The following RIC8B variants were observed in gnomAD, a reference collection of about 807,000 sequenced individuals.
The protein encoded by RIC8B is chaperone Ric-8B.
RIC8B carries 16 observed loss-of-function variants against 57.5 expected under a neutral mutation model. The observed-to-expected ratio is 0.28, with a 90% CI of 0.19 to 0.42. RIC8B has a LOEUF of 0.42. Ranked by LOEUF, RIC8B falls within the 10% of genes least tolerant of loss-of-function variation. RIC8B has a pLI of 1.00. For synonymous variants in RIC8B, 216 were observed against 250.8 expected (o/e 0.86, Z 1.31); for missense variants, 481 against 677.0 (o/e 0.71, Z 3.21).
intron 9 of RIC8B, among the ~76,000 whole-genome samples, chr12:106,885,567 C>G (rs996486062): frequency 1.5e-5 from 2 of 133,456 alleles, no homozygotes; most frequent in Non-Finnish European, 3.2e-5. Context: ...TAAAACAAAA[C>G]CAATCCACCA....
chr12:106,823,448 G>A (rs552086952), intron 3 of RIC8B: 10 of 456,188 alleles, frequency 2.2e-5, no homozygotes, highest in African/African-American at 1.8e-4. Flanking sequence ...ACTGGAAAAG[G>A]TAAAAAGTAG....
At chr12:106,871,477 A>C (rs1950402648) in intron 9 of RIC8B, 2 of 136,156 alleles carry the variant, frequency 1.5e-5, no homozygotes, top group South Asian at 4.9e-4. Context: ...GTTCTAAAAA[A>C]AAAAAAAAAA....
At chr12:106,870,613 T>TA (rs35171089) in intron 8 of RIC8B, among the ~76,000 whole-genome samples, 3 of 152,206 alleles carry the variant, frequency 2.0e-5, no homozygotes, top group Admixed American at 2.0e-4. Flanking sequence ...TTTCGTTTTT[T>TA]AAAAAAAGTA....
At chr12:106,855,505 G>A (rs775263120) in intron 7 of RIC8B, among the ~76,000 whole-genome samples, 70 of 152,084 alleles carry the variant, frequency 4.6e-4, no homozygotes, top group Admixed American at 1.8e-3. Context: ...CACTGAAAAT[G>A]CTCTCAATAA....
intron 2 of RIC8B, among the ~76,000 whole-genome samples, chr12:106,806,766 A>G (rs1200533547): frequency 1.3e-5 from 2 of 152,054 alleles, no homozygotes; most frequent in Non-Finnish European, 2.9e-5. Flanking sequence ...GGAGGCGGAG[A>G]TTGCACGCGC....
intron 6 of RIC8B, among the ~76,000 whole-genome samples, chr12:106,846,860 C>T (rs1007066504): frequency 1.3e-5 from 2 of 151,968 alleles, no homozygotes; most frequent in African/African-American, 4.8e-5. Flanking sequence ...GGAGATGAAA[C>T]ATGACAGGTA....
intron 2 of RIC8B, among the ~76,000 whole-genome samples, chr12:106,796,421 C>G (rs906499590): frequency 1.3e-5 from 2 of 151,908 alleles, no homozygotes; most frequent in Non-Finnish European, 2.9e-5. Flanking sequence ...CAGTAATAAC[C>G]AAGGCAGCTG....
At chr12:106,802,102 G>T (rs992160425) in intron 2 of RIC8B, among the ~76,000 whole-genome samples, 1 of 152,174 alleles carries the variant, frequency 6.6e-6, no homozygotes, top group Non-Finnish European at 1.5e-5. Context: ...ATCCAAGGGA[G>T]CCTGCCTTAA....
At chr12:106,798,438 C>A (rs2044584732) in intron 2 of RIC8B, among the ~76,000 whole-genome samples, 1 of 152,126 alleles carries the variant, frequency 6.6e-6, no homozygotes, top group African/African-American at 2.4e-5. Flanking sequence ...CCTCTGTCTT[C>A]TTTTCTGACT....
At chr12:106,881,073 A>G (rs1335152082) in intron 9 of RIC8B, among the ~76,000 whole-genome samples, 1 of 152,230 alleles carries the variant, frequency 6.6e-6, no homozygotes, top group African/African-American at 2.4e-5. Flanking sequence ...AGGATCTGCT[A>G]TCTGCAAGGC....
chr12:106,865,177 C>T (rs577081721), intron 8 of RIC8B, among the ~76,000 whole-genome samples: 67 of 152,210 alleles, frequency 4.4e-4, no homozygotes, highest in African/African-American at 1.4e-3. Flanking sequence ...TTGTTGCCAG[C>T]CTGCCATATT....
chr12:106,801,450 CAT>C (rs1328145262), intron 2 of RIC8B, among the ~76,000 whole-genome samples: 2 of 152,054 alleles, frequency 1.3e-5, no homozygotes, highest in African/African-American at 4.8e-5. Flanking sequence ...TGATATATAA[CAT>C]AACATTGATT....
chr12:106,815,381 A>G, intron 3 of RIC8B, 77 bp downstream of exon 3: 1 of 1,458,216 alleles, frequency 6.9e-7, no homozygotes, highest in African/African-American at 1.4e-5. Flanking sequence ...CTGCAAGAGA[A>G]GAATACAAGT....
chr12:106,851,850 C>G (rs925465307), intron 7 of RIC8B, among the ~76,000 whole-genome samples: 2 of 152,124 alleles, frequency 1.3e-5, no homozygotes, highest in African/African-American at 4.8e-5. Context: ...TATCCTTAAC[C>G]CAGCCTTCAT....
chr12:106,884,915 A>G (rs1260588902), intron 9 of RIC8B, among the ~76,000 whole-genome samples: 1 of 152,136 alleles, frequency 6.6e-6, no homozygotes, highest in Non-Finnish European at 1.5e-5. Flanking sequence ...AGCTGCTGCC[A>G]TGTGGGTTTT....
rs1694810879 is a variant in RIC8B, at chr12:106,842,688, A to G, written c.936A>G (p.Leu312=). The G allele has an allele frequency of 1.2e-6, 2 of 1,613,848 alleles. No individual in the cohort carries two copies. The change falls in exon 5 of 10, where the codon CTA becomes CTG. Residue 312 remains leucine, a synonymous_variant. Transcript: ENST00000392837. ...AAACAGCCCAAGAGGCAACGACTCT[A>G]GATGAACTGCCCAGTAATAAAACAG... ...HEETAQEATT[L]DELPSNKTAE...
At chr12:106,798,613 CTTTTTTT>C (rs915772922) in intron 2 of RIC8B, among the ~76,000 whole-genome samples, 1 of 145,372 alleles carries the variant, frequency 6.9e-6, no homozygotes, top group African/African-American at 2.5e-5. Flanking sequence ...AGCCACTGTA[CTTTTTTT>C]TTTTTAGATA....
At chr12:106,828,959 T>C (rs187641672) in intron 4 of RIC8B, among the ~76,000 whole-genome samples, 21 of 152,150 alleles carry the variant, frequency 1.4e-4, no homozygotes, top group Non-Finnish European at 2.5e-4. Context: ...AGGAGAAAAG[T>C]AGGTTAAAAA....
At chr12:106,782,770 C>G (rs1423821610) in intron 1 of RIC8B, among the ~76,000 whole-genome samples, 1 of 152,142 alleles carries the variant, frequency 6.6e-6, no homozygotes, top group Non-Finnish European at 1.5e-5. Flanking sequence ...AAAATTGCTG[C>G]TTCTACAAAG....
Sources: allele counts gnomAD v4.1 joint callset (sites outside exome capture counted in the v4.1 genomes callset), GRCh38; gene constraint gnomAD v4.1.1; transcripts MANE v1.5; gene names NCBI Gene and HGNC (gene_info 2026-07-23, HGNC 2026-07-21).